The following SEM1 variants were observed in gnomAD, a reference collection of about 807,000 sequenced individuals.
SEM1 encodes SEM1 26S proteasome subunit, also known as 26S proteasome complex subunit SEM1.
A neutral mutation model predicts 12.7 loss-of-function variants in SEM1; 3 were observed. The observed-to-expected ratio is 0.24, with a 90% CI of 0.11 to 0.61. The LOEUF (loss-of-function observed/expected upper bound fraction) is 0.61. SEM1 is among the 20% of genes least tolerant of loss of function. The probability of loss-of-function intolerance (pLI) is 0.88; values close to 1 mark genes in which losing one functional copy is unlikely to be tolerated. For synonymous variants in SEM1, 30 were observed against 27.8 expected (o/e 1.08, Z -0.25); for missense variants, 59 against 81.3 (o/e 0.73, Z 1.06).
In SEM1 at chr7:96,630,306, T is replaced by C. The variant is rs532252869; in HGVS notation, c.171-7663A>G. Among the ~76,000 whole-genome samples the C allele has an allele frequency of 1.8e-3, 281 of 152,210 alleles. 2 individuals carry two copies. The highest frequency in any genetic ancestry group is 3.0e-3 in the Non-Finnish European group (202 of 68,010). ...AAAAACCTTAGAATTCTACGTGGTA[T>C]TCTAGTGTGCTGCGGCTGAGCTGGC... On this transcript the variant is annotated intron_variant, in intron 2 of 2. Transcript: ENST00000417009.
At chr7:96,657,330 C>T (rs1238208300) in intron 2 of SEM1, among the ~76,000 whole-genome samples, 1 of 152,172 alleles carries the variant, frequency 6.6e-6, no homozygotes, top group East Asian at 1.9e-4. Flanking sequence ...GGATAAAGTG[C>T]TTTCAGGGAT....
intron 2 of SEM1, among the ~76,000 whole-genome samples, chr7:96,597,155 A>G (rs905598905): frequency 7.1e-4 from 108 of 152,214 alleles, no homozygotes; most frequent in African/African-American, 2.4e-3. Context: ...TGTCATAGTC[A>G]GGGCCGGATT....
intron 2 of SEM1, among the ~76,000 whole-genome samples, chr7:96,643,663 G>A (rs1425210915): frequency 1.3e-5 from 2 of 152,054 alleles, no homozygotes; most frequent in Admixed American, 6.6e-5. Flanking sequence ...CAGGGACATG[G>A]ATGAAGCTGG....
chr7:96,485,389 A>G (rs1802710895), intron 2 of SEM1, among the ~76,000 whole-genome samples: 1 of 151,998 alleles, frequency 6.6e-6, no homozygotes, highest in Non-Finnish European at 1.5e-5. Flanking sequence ...TTCAGCATCT[A>G]GAAGCCCCTC....
intron 2 of SEM1, among the ~76,000 whole-genome samples, chr7:96,632,557 G>T (rs1808296481): frequency 6.6e-6 from 1 of 152,052 alleles, no homozygotes; most frequent in Admixed American, 6.6e-5. Context: ...CTGTCAGGGG[G>T]TGGCGGACTA....
At chr7:96,519,872 C>A (rs554630229) in intron 2 of SEM1, among the ~76,000 whole-genome samples, 1 of 151,854 alleles carries the variant, frequency 6.6e-6, no homozygotes, top group African/African-American at 2.4e-5. Flanking sequence ...TATTTGGTGA[C>A]GGAGTGAGAA....
chr7:96,511,753 A>G (rs1563038869), intron 2 of SEM1, among the ~76,000 whole-genome samples: 2 of 152,054 alleles, frequency 1.3e-5, no homozygotes, highest in Non-Finnish European at 2.9e-5. Flanking sequence ...CATAAAATGG[A>G]CATTACTTTT....
chr7:96,577,429 A>C (rs1171371943), intron 2 of SEM1, among the ~76,000 whole-genome samples: 1 of 151,978 alleles, frequency 6.6e-6, no homozygotes, highest in Non-Finnish European at 1.5e-5. Context: ...TTAATTATAA[A>C]ATTATTTATT....
At chr7:96,644,294 GCAAA>G (rs1432474433) in intron 2 of SEM1, among the ~76,000 whole-genome samples, 9 of 152,100 alleles carry the variant, frequency 5.9e-5, no homozygotes, top group African/African-American at 1.9e-4. Flanking sequence ...GTTTGGGAAT[GCAAA>G]CAATCAGAAG....
chr7:96,553,972 T>A (rs1805386935), intron 2 of SEM1, among the ~76,000 whole-genome samples: 1 of 151,732 alleles, frequency 6.6e-6, no homozygotes. Context: ...GAATGGGAGT[T>A]CACTCATGAT....
chr7:96,633,698 A>G (rs1808342540), intron 2 of SEM1, among the ~76,000 whole-genome samples: 1 of 152,156 alleles, frequency 6.6e-6, no homozygotes. Flanking sequence ...AACATAGTTA[A>G]TAGGGAGACT....
At chr7:96,496,958 C>T (rs575297848), upstream of SEM1, among the ~76,000 whole-genome samples, 203 of 151,738 alleles carry the variant, frequency 1.3e-3, 1 homozygote, top group African/African-American at 4.6e-3. Flanking sequence ...GGCATGTGTG[C>T]GTATTCTTCC....
intron 2 of SEM1, among the ~76,000 whole-genome samples, chr7:96,663,761 G>A (rs1013583719): frequency 1.3e-5 from 2 of 152,148 alleles, no homozygotes; most frequent in Admixed American, 6.5e-5. Flanking sequence ...AGGAGTAACA[G>A]AAGACTGGAA....
chr7:96,560,410 A>T (rs557179628), intron 2 of SEM1, among the ~76,000 whole-genome samples: 5 of 152,294 alleles, frequency 3.3e-5, no homozygotes, highest in Admixed American at 3.3e-4. Context: ...TGCTTTTTTC[A>T]TAAATTTATT....
chr7:96,588,139 T>G (rs1806702432), intron 2 of SEM1, among the ~76,000 whole-genome samples: 1 of 151,746 alleles, frequency 6.6e-6, no homozygotes. Flanking sequence ...GAGGCCGAGG[T>G]GGAAGGATCG....
intron 1 of SEM1, chr7:96,706,334 G>T (rs766795836): frequency 6.6e-6 from 1 of 152,076 alleles, no homozygotes; most frequent in Non-Finnish European, 1.5e-5. Context: ...AGGCAGAGGC[G>T]GGTGGATCAC....
chr7:96,685,741 G>A (rs1378847405), downstream of SEM1, among the ~76,000 whole-genome samples: 1 of 151,134 alleles, frequency 6.6e-6, no homozygotes, highest in Non-Finnish European at 1.5e-5. Context: ...AGTTATTAAG[G>A]GGAGGTAAGG....
chr7:96,501,318 C>T (rs1803530552), upstream of SEM1, among the ~76,000 whole-genome samples: 1 of 152,112 alleles, frequency 6.6e-6, no homozygotes, highest in Non-Finnish European at 1.5e-5. Flanking sequence ...AAAATGTTTT[C>T]TCACTGACCT....
chr7:96,565,052 C>A (rs1047575611), intron 2 of SEM1, among the ~76,000 whole-genome samples: 1 of 151,916 alleles, frequency 6.6e-6, no homozygotes, highest in Non-Finnish European at 1.5e-5. Flanking sequence ...CCAAACAAAA[C>A]CTAGTCCTCC....
Sources: allele counts gnomAD v4.1 joint callset (sites outside exome capture counted in the v4.1 genomes callset), GRCh38; gene constraint gnomAD v4.1.1; transcripts MANE v1.5; gene names NCBI Gene and HGNC (gene_info 2026-07-23, HGNC 2026-07-21).